The following PFKFB3 variants were observed in gnomAD, a reference collection of about 807,000 sequenced individuals.
The protein encoded by PFKFB3 is 6-phosphofructo-2-kinase/fructose-2,6-bisphosphatase 3.
In PFKFB3, 33 loss-of-function variants were observed where a neutral mutation model predicts 68.0. The observed-to-expected ratio is 0.49, with a 90% confidence interval of 0.37 to 0.65. The LOEUF is 0.65. Among genes scored for constraint, PFKFB3 ranks in the 30% least tolerant of loss-of-function variants. The pLI, the probability that PFKFB3 is intolerant of heterozygous loss-of-function variation, is 0.00. For missense variants in PFKFB3, 586 were observed against 712.2 expected (o/e 0.82, Z 2.02); for synonymous variants, 315 against 288.2 (o/e 1.09, Z -0.94).
chr10:6,177,802 T>G (rs1169507758), intron 1 of PFKFB3, among the ~76,000 whole-genome samples: 2 of 152,096 alleles, frequency 1.3e-5, no homozygotes, highest in Non-Finnish European at 2.9e-5. Context: ...GGATTACAGG[T>G]GTGTGCCACC....
intron 14 of PFKFB3, among the ~76,000 whole-genome samples, chr10:6,246,045 C>T (rs1023457996): frequency 7.9e-5 from 12 of 152,188 alleles, no homozygotes; most frequent in African/African-American, 2.9e-4. Flanking sequence ...TCTATGCAAT[C>T]CCTTTAGCCT....
intron 13 of PFKFB3, chr10:6,225,300 T>C (rs924724647): frequency 7.5e-5 from 33 of 439,616 alleles, no homozygotes; most frequent in African/African-American, 5.6e-4. Context: ...CATGAAGGGA[T>C]GAGGTGTCCG....
chr10:6,177,438 CTCTTTCTTTCTTTCTT>C (rs60272376), intron 1 of PFKFB3, among the ~76,000 whole-genome samples: 51 of 86,720 alleles, frequency 5.9e-4, no homozygotes, highest in East Asian at 2.8e-3. Flanking sequence ...TCTTTTCTTT[CTCTTTCTTTCTTTCTT>C]TCTTTCTTTC....
intron 14 of PFKFB3, among the ~76,000 whole-genome samples, chr10:6,247,390 C>CT (rs1437302176): frequency 6.6e-6 from 1 of 151,762 alleles, no homozygotes; most frequent in Non-Finnish European, 1.5e-5. Context: ...AATGAGGACT[C>CT]TAACAATTAG....
intron 1 of PFKFB3, among the ~76,000 whole-genome samples, chr10:6,145,659 C>T (rs542426643): frequency 2.1e-3 from 319 of 152,282 alleles, no homozygotes; most frequent in Non-Finnish European, 3.4e-3. Context: ...GTCATTTCAG[C>T]CCCCAGCCCC....
At chr10:6,178,925 A>G (rs755813622) in intron 1 of PFKFB3, among the ~76,000 whole-genome samples, 4 of 152,186 alleles carry the variant, frequency 2.6e-5, no homozygotes, top group Non-Finnish European at 4.4e-5. Context: ...CCGTCTCACT[A>G]CCAGCCACCA....
At chr10:6,322,978 C>T in the PFKFB3 span, among the ~76,000 whole-genome samples, 2 of 152,174 alleles carry the variant, frequency 1.3e-5, no homozygotes, top group African/African-American at 4.8e-5. Context: ...GTTGCATCCC[C>T]AGGACCTAAG....
At chr10:6,171,282 C>T (rs556968463) in intron 1 of PFKFB3, among the ~76,000 whole-genome samples, 4 of 152,048 alleles carry the variant, frequency 2.6e-5, no homozygotes, top group African/African-American at 4.8e-5. Flanking sequence ...CTTGAACTCC[C>T]GACCTCAGGT....
rs541435101 is a variant in PFKFB3, at chr10:6,210,098, G to A, written c.77-3525G>A. 4.1e-4 allele frequency among the ~76,000 whole-genome samples: 50 copies of A among 120,976 alleles called. 19 individuals are homozygous for A. In the South Asian group the frequency reaches 8.9e-3, roughly 21 times the overall value. 79.4% of individuals were successfully genotyped at this position (120,976 alleles called of 152,430 possible). A position where few individuals can be genotyped will look rare whatever the true frequency, so the allele number is the denominator to read the frequency against. On this transcript the variant is annotated intron_variant, in intron 1 of 14. Coordinates refer to ENST00000379775, the MANE Select transcript of PFKFB3 (RefSeq NM_004566.4). ...ACTGTGCCTTGCCAGGGAGGGTGAT[G>A]AGGCGGGTGGGGGGTGTCTCTTTTT...
downstream of PFKFB3, among the ~76,000 whole-genome samples, chr10:6,237,401 G>A (rs1564229032): frequency 6.6e-6 from 1 of 152,100 alleles, no homozygotes; most frequent in African/African-American, 2.4e-5. Flanking sequence ...GAAGAGTGAG[G>A]CGTTCATTCA....
intron 1 of PFKFB3, among the ~76,000 whole-genome samples, chr10:6,184,771 C>CTTT (rs35388630): frequency 0.1 from 12,347 of 121,334 alleles, 904 homozygotes; most frequent in South Asian, 0.13. Flanking sequence ...CGCGCCTGGC[C>CTTT]TTTTTTTTTT....
chr10:6,238,905 C>A (rs1015255094), downstream of PFKFB3, among the ~76,000 whole-genome samples: 4 of 152,290 alleles, frequency 2.6e-5, no homozygotes, highest in African/African-American at 4.8e-5. Flanking sequence ...GATCTCATTC[C>A]TTTTCATGGC....
At chr10:6,191,811 C>T (rs1038386754) in intron 1 of PFKFB3, among the ~76,000 whole-genome samples, 4 of 152,166 alleles carry the variant, frequency 2.6e-5, no homozygotes, top group Non-Finnish European at 5.9e-5. Context: ...CGACAACCCC[C>T]GCGCCTTCGT....
chr10:6,308,119 G>C, the PFKFB3 span, among the ~76,000 whole-genome samples: 14 of 152,292 alleles, frequency 9.2e-5, no homozygotes, highest in South Asian at 4.1e-4. Flanking sequence ...TGTTATAGCA[G>C]TTTAAAATGG....
the PFKFB3 span, among the ~76,000 whole-genome samples, chr10:6,284,393 T>G: frequency 1.3e-5 from 2 of 152,234 alleles, no homozygotes; most frequent in Non-Finnish European, 2.9e-5. Flanking sequence ...AAAATTGTTA[T>G]GTCTTCTTGG....
At chr10:6,221,006 C>T in intron 8 of PFKFB3, 141 bp downstream of exon 8, 2 of 800,754 alleles carry the variant, frequency 2.5e-6, no homozygotes, top group East Asian at 2.6e-5. Flanking sequence ...TGTGTGTGCG[C>T]CTGCACGTCT....
At chr10:6,292,994 G>A in the PFKFB3 span, 11 of 253,188 alleles carry the variant, frequency 4.3e-5, no homozygotes, top group Admixed American at 1.5e-4. Flanking sequence ...CTCATGCAGC[G>A]TATGCTCAAT....
intron 1 of PFKFB3, among the ~76,000 whole-genome samples, chr10:6,205,438 G>A (rs1843621467): frequency 7.1e-6 from 1 of 140,352 alleles, no homozygotes; most frequent in Non-Finnish European, 1.5e-5. Flanking sequence ...TGTCACCGAG[G>A]CTGGAGTGCA....
At chr10:6,217,049 C>A (rs1844631415) in intron 5 of PFKFB3, 86 bp from the exon 6 acceptor site, 3 of 1,368,120 alleles carry the variant, frequency 2.2e-6, no homozygotes, top group Admixed American at 3.4e-5. Flanking sequence ...GTGCTTCCGC[C>A]TTGTCCGGGT....
Sources: allele counts gnomAD v4.1 joint callset (sites outside exome capture counted in the v4.1 genomes callset), GRCh38; gene constraint gnomAD v4.1.1; transcripts MANE v1.5; gene names NCBI Gene and HGNC (gene_info 2026-07-23, HGNC 2026-07-21).